The following OPCML variants were observed in gnomAD, a reference collection of about 807,000 sequenced individuals.
OPCML encodes opioid binding protein/cell adhesion molecule like, also known as opioid-binding protein/cell adhesion molecule.
OPCML carries 13 observed loss-of-function variants against 37.8 expected under a neutral mutation model. That is an observed-to-expected ratio of 0.34 (90% CI 0.22 to 0.55). The LOEUF is 0.55. OPCML is among the 20% of genes least tolerant of loss of function. The pLI, the probability that OPCML is intolerant of heterozygous loss-of-function variation, is 0.91. For synonymous variants in OPCML, 176 were observed against 168.8 expected, an observed-to-expected ratio of 1.04 and a Z score of -0.33; for missense variants, 341 against 435.6, an observed-to-expected ratio of 0.78 and a Z score of 1.93.
chr11:133,488,084 C>T (rs925062819), intron 1 of OPCML, among the ~76,000 whole-genome samples: 5 of 152,032 alleles, frequency 3.3e-5, no homozygotes, highest in African/African-American at 1.2e-4. Context: ...GATAAACATC[C>T]TCAACAAAGT....
chr11:133,304,882 A>G (rs1413175244), intron 1 of OPCML, among the ~76,000 whole-genome samples: 2 of 152,202 alleles, frequency 1.3e-5, no homozygotes, highest in African/African-American at 4.8e-5. Context: ...AGTTGATACA[A>G]AAGTAAAATT....
At chr11:132,566,815 G>C (rs368507746) in intron 3 of OPCML, among the ~76,000 whole-genome samples, 1 of 152,090 alleles carries the variant, frequency 6.6e-6, no homozygotes. Context: ...TGTCTAAGTC[G>C]AGATGCAAAA....
At chr11:132,425,611 A>T (rs1314870506) in intron 7 of OPCML, among the ~76,000 whole-genome samples, 2 of 152,258 alleles carry the variant, frequency 1.3e-5, no homozygotes, top group Admixed American at 1.3e-4. Flanking sequence ...GAACTAAGGC[A>T]AGAATTGCTA....
intron 1 of OPCML, among the ~76,000 whole-genome samples, chr11:132,951,860 A>G (rs981262974): frequency 3.3e-5 from 5 of 152,234 alleles, no homozygotes; most frequent in Non-Finnish European, 5.9e-5. Flanking sequence ...CCTAAAAATG[A>G]AAAGGCTTCT....
In OPCML at chr11:133,016,819, A is replaced by T. The variant is rs145625463; in HGVS notation, c.62-73809T>A. On this transcript the variant is annotated intron_variant, in intron 1 of 7. Coordinates refer to ENST00000524381, the MANE Select transcript of OPCML (RefSeq NM_001012393.5). ...TCACAGGCAACCACAAACATATAAC[A>T]TCCTGGAAATTCAGGCCCACTCTGC... Among the ~76,000 whole-genome samples, 50 of 152,220 alleles carry T rather than the reference A, an allele frequency of 3.3e-4. No homozygotes were observed. The East Asian group carries it at 8.7e-3, about 27-fold the overall frequency.
intron 1 of OPCML, among the ~76,000 whole-genome samples, chr11:133,042,023 A>G (rs958783045): frequency 6.6e-6 from 1 of 152,128 alleles, no homozygotes; most frequent in African/African-American, 2.4e-5. Flanking sequence ...TGCATCACTC[A>G]GCATGCCGTG....
rs147342468 is a variant in OPCML, at chr11:133,044,536, C to T, written c.62-101526G>A. Among the ~76,000 whole-genome samples, 574 of 152,212 alleles carry T rather than the reference C, an allele frequency of 3.8e-3. 2 individuals are homozygous for T. The highest frequency in any genetic ancestry group is 5.7e-3 in the Non-Finnish European group (386 of 68,012). On this transcript the variant is annotated intron_variant, in intron 1 of 7. Coordinates refer to ENST00000524381, the MANE Select transcript of OPCML (RefSeq NM_001012393.5). Reference sequence around the variant, plus strand: ...AAGAACCCAAAAAAGAGGCCGAGGGCGAGCAGCCAGAGGTTAAGAAGAAGC... The same window carrying T: ...AAGAACCCAAAAAAGAGGCCGAGGGTGAGCAGCCAGAGGTTAAGAAGAAGC...
rs1945828806 is a variant in OPCML at position 132,950,196 on chromosome 11, A to G, written c.62-7186T>C. On this transcript the variant is annotated intron_variant, in intron 1 of 7. Coordinates refer to ENST00000524381, the MANE Select transcript of OPCML (RefSeq NM_001012393.5). ...ACGGGTTGTGATTGAAAAGTTTTGC[A>G]CATCACTTTGACCGCTGTGTAGAGG... is the stretch of plus-strand genomic sequence containing the variant. Among the ~76,000 whole-genome samples, 3 of 152,192 alleles carry G rather than the reference A, an allele frequency of 2.0e-5. No individual in the cohort carries two copies. The South Asian group carries it at 6.2e-4, about 32-fold the overall frequency.
intron 1 of OPCML, among the ~76,000 whole-genome samples, chr11:133,391,144 A>C (rs1302383657): frequency 6.6e-6 from 1 of 152,154 alleles, no homozygotes; most frequent in African/African-American, 2.4e-5. Context: ...ACGATGTTGC[A>C]ATGGATGGTT....
chr11:132,800,534 G>A (rs902669116), intron 2 of OPCML, among the ~76,000 whole-genome samples: 8 of 152,130 alleles, frequency 5.3e-5, no homozygotes, highest in Non-Finnish European at 8.8e-5. Flanking sequence ...GAAGTATGAT[G>A]CAAGTTGTAG....
intron 1 of OPCML, among the ~76,000 whole-genome samples, chr11:132,990,647 CAG>C (rs1175160920): frequency 6.6e-6 from 1 of 152,174 alleles, no homozygotes; most frequent in Non-Finnish European, 1.5e-5. Flanking sequence ...CTGGAGGAAA[CAG>C]AGAGCCCAGA....
intron 7 of OPCML, among the ~76,000 whole-genome samples, chr11:132,428,018 CAT>C (rs2095983375): frequency 6.6e-6 from 1 of 152,200 alleles, no homozygotes; most frequent in African/African-American, 2.4e-5. Flanking sequence ...AAATAAAAAT[CAT>C]ACACGTTATC....
At position 133,378,778 on chromosome 11, in the gene OPCML, G is replaced by T. The variant is rs79691566; in HGVS notation, c.61+153486C>A. Among the ~76,000 whole-genome samples the T allele has an allele frequency of 1.5e-4, 22 of 150,214 alleles. No individual in the cohort carries two copies. In the East Asian group the frequency reaches 4.0e-3, roughly 27 times the overall value. Reference sequence around the variant, plus strand: ...GATAAAGTCTCACTCTGTCACCTAGGCTGGACTGCAGTGATGCAATCAGAG... The same window carrying T: ...GATAAAGTCTCACTCTGTCACCTAGTCTGGACTGCAGTGATGCAATCAGAG... On this transcript the variant is annotated intron_variant, in intron 1 of 7. Transcript: ENST00000524381.
At chr11:133,187,845 CAT>C (rs1456241226) in intron 1 of OPCML, among the ~76,000 whole-genome samples, 19 of 152,274 alleles carry the variant, frequency 1.2e-4, no homozygotes, top group African/African-American at 3.8e-4. Context: ...GGAACTGTCA[CAT>C]GTTTTTATAT....
At chr11:133,124,287 AG>A (rs2137120962) in intron 1 of OPCML, among the ~76,000 whole-genome samples, 1 of 152,274 alleles carries the variant, frequency 6.6e-6, no homozygotes, top group East Asian at 1.9e-4. Context: ...TCTCAGCCCT[AG>A]GGTTCCCCCA....
At chr11:133,418,398 G>A (rs999993700) in intron 1 of OPCML, 16 of 985,138 alleles carry the variant, frequency 1.6e-5, no homozygotes, top group African/African-American at 1.7e-5. Flanking sequence ...AAATAGATTG[G>A]TGATTGATTG....
chr11:133,193,687 A>G (rs1273776027), intron 1 of OPCML, among the ~76,000 whole-genome samples: 1 of 152,212 alleles, frequency 6.6e-6, no homozygotes, highest in Non-Finnish European at 1.5e-5. Context: ...GCACTCAATA[A>G]ATAATAAATA....
At chr11:133,271,046 G>A (rs755938051) in intron 1 of OPCML, among the ~76,000 whole-genome samples, 5 of 152,172 alleles carry the variant, frequency 3.3e-5, no homozygotes, top group South Asian at 2.1e-4. Context: ...GGAAGGTTAC[G>A]CTGATCTAAC....
At chr11:133,022,222 C>T (rs1947468441) in intron 1 of OPCML, among the ~76,000 whole-genome samples, 2 of 152,178 alleles carry the variant, frequency 1.3e-5, no homozygotes, top group South Asian at 4.1e-4. Context: ...AGAAAAATGA[C>T]TTCACACAGT....
Sources: gnomAD v4.1 joint callset for allele counts (sites outside exome capture counted in the v4.1 genomes callset) on GRCh38, gnomAD v4.1.1 for gene constraint, MANE v1.5 for transcripts, NCBI Gene and HGNC (gene_info 2026-07-23, HGNC 2026-07-21) for gene names.